The following DOCK8 variants were observed in gnomAD, a reference collection of about 807,000 sequenced individuals.
DOCK8 encodes the protein dedicator of cytokinesis 8.
DOCK8 carries 141 observed loss-of-function variants against 245.6 expected under a neutral mutation model. That is an observed-to-expected ratio of 0.57 (90% CI 0.50 to 0.66). The LOEUF is 0.66. Among genes scored for constraint, DOCK8 ranks in the 30% least tolerant of loss-of-function variants. The pLI is 0.00. For missense variants in DOCK8, 2,965 were observed against 2,603.4 expected, an observed-to-expected ratio of 1.14 and a Z score of -3.02; for synonymous variants, 1,168 against 970.2, an observed-to-expected ratio of 1.20 and a Z score of -3.79.
chr9:214,453 CTT>C, upstream of DOCK8: 4 of 1,534,060 alleles, frequency 2.6e-6, no homozygotes, highest in East Asian at 2.4e-5. Flanking sequence ...ACTTTTTTGT[CTT>C]TTTTTTTGGC....
At chr9:460,215 C>T (rs1402522404) in intron 46 of DOCK8, 1 of 152,186 alleles carries the variant, frequency 6.6e-6, no homozygotes, top group Admixed American at 6.5e-5. Context: ...GTTTCAACCG[C>T]AGTTGTCTGC....
chr9:243,806 C>G (rs1184781511), intron 1 of DOCK8, among the ~76,000 whole-genome samples: 2 of 152,018 alleles, frequency 1.3e-5, no homozygotes, highest in Admixed American at 1.3e-4. Flanking sequence ...ACCCACAATC[C>G]CCCTTTTTCT....
chr9:463,795 A>G lies in DOCK8; in HGVS notation c.6239+108A>G. ...CACTTGGGGAGCTGCAGAACCTCGA[A>G]AGGGTGGAAGAGGGTCCCACAGTCA... On this transcript the variant is annotated intron_variant, in intron 47 of 47. Transcript: ENST00000432829. The G allele has an allele frequency of 3.0e-6, 4 of 1,336,750 alleles. No homozygotes were observed. In the South Asian group the frequency reaches 3.7e-5, roughly 12 times the overall value. 82.8% of individuals were successfully genotyped at this position (1,336,750 alleles called of 1,614,324 possible). A position where few individuals can be genotyped will look rare whatever the true frequency, so the allele number is the denominator to read the frequency against.
chr9:241,405 A>G (rs1381504509), intron 1 of DOCK8, among the ~76,000 whole-genome samples: 1 of 152,162 alleles, frequency 6.6e-6, no homozygotes, highest in Non-Finnish European at 1.5e-5. Context: ...CCTGGCCTCC[A>G]GTAAACTCTG....
intron 46 of DOCK8, chr9:454,718 T>C (rs1170174535): frequency 6.6e-6 from 1 of 152,244 alleles, no homozygotes; most frequent in African/African-American, 2.4e-5. Flanking sequence ...TTTACTTCAG[T>C]TTGCCTCAAT....
At chr9:306,516 C>T (rs983510076) in intron 5 of DOCK8, among the ~76,000 whole-genome samples, 4 of 152,078 alleles carry the variant, frequency 2.6e-5, no homozygotes, top group Non-Finnish European at 2.9e-5. Flanking sequence ...TTGATTAAAC[C>T]GGTTTTGGAG....
chr9:400,995 C>A (rs10974145), intron 26 of DOCK8, among the ~76,000 whole-genome samples: 2 of 54,610 alleles, frequency 3.7e-5, no homozygotes, highest in South Asian at 6.7e-4. Flanking sequence ...TCCTCCACCA[C>A]CACCACCATT....
At chr9:408,289 T>C (rs10732360) in intron 28 of DOCK8, among the ~76,000 whole-genome samples, 1 of 152,186 alleles carries the variant, frequency 6.6e-6, no homozygotes, top group Non-Finnish European at 1.5e-5. Context: ...TGTCCCAAGC[T>C]ATGTACCCAG....
chr9:424,742 G>A (rs1486515088), intron 33 of DOCK8, among the ~76,000 whole-genome samples: 2 of 152,188 alleles, frequency 1.3e-5, no homozygotes, highest in Admixed American at 6.5e-5. Flanking sequence ...CCAGATTAGT[G>A]TTAGTGATGG....
At position 429,857 on chromosome 9, in the gene DOCK8, A is replaced by G. The variant is rs2056644744; in HGVS notation, c.4626+3A>G. Reference sequence around the variant, plus strand: ...GGTTCAGTTTTGGAGCCACCAGTGTAAGAGTTCAAACCAGCTGAGTGACCT... The same window carrying G: ...GGTTCAGTTTTGGAGCCACCAGTGTGAGAGTTCAAACCAGCTGAGTGACCT... On this transcript the variant is annotated splice_donor_region_variant and intron_variant, in intron 36 of 47. Transcript: ENST00000432829. 6.2e-7 allele frequency: 1 copy of G among 1,613,968 alleles called. No homozygotes were observed. Among genetic ancestry groups the G allele is most frequent in the Non-Finnish European group, 8.5e-7 (1 of 1,179,998 alleles).
intron 1 of DOCK8, among the ~76,000 whole-genome samples, chr9:223,213 C>G (rs1433435844): frequency 6.6e-6 from 1 of 152,166 alleles, no homozygotes; most frequent in Non-Finnish European, 1.5e-5. Context: ...TAAACTGGAA[C>G]TAAATTAAGA....
At chr9:403,946 G>GTATATATATATATGTA (rs1193351949) in intron 26 of DOCK8, among the ~76,000 whole-genome samples, 1 of 76,278 alleles carries the variant, frequency 1.3e-5, no homozygotes, top group African/African-American at 8.0e-5. Flanking sequence ...ATATATATGT[G>GTATATATATATATGTA]TATATATATA....
chr9:368,705 A>C (rs1445206847), intron 15 of DOCK8: 1 of 151,816 alleles, frequency 6.6e-6, no homozygotes, highest in African/African-American at 2.4e-5. Flanking sequence ...CAAGGAACTC[A>C]AAATGCCAGA....
intron 27 of DOCK8, 127 bp from the exon 28 acceptor site, chr9:406,803 C>CA (rs1383545136): frequency 3.9e-5 from 43 of 1,111,978 alleles, no homozygotes; most frequent in Non-Finnish European, 1.3e-6. Context: ...TATCTGGCAC[C>CA]AGAGTACCTA....
chr9:355,909 G>T (rs1379614635), intron 14 of DOCK8, among the ~76,000 whole-genome samples: 2 of 152,206 alleles, frequency 1.3e-5, no homozygotes, highest in African/African-American at 4.8e-5. Context: ...TTTGCAGGCT[G>T]TCTGAAATGT....
intron 1 of DOCK8, among the ~76,000 whole-genome samples, chr9:261,891 C>G (rs1042654083): frequency 1.3e-5 from 2 of 151,966 alleles, no homozygotes; most frequent in Non-Finnish European, 2.9e-5. Flanking sequence ...TCTGATAGTA[C>G]TATAGCTACC....
chr9:222,315 T>C (rs1332314695), intron 1 of DOCK8, among the ~76,000 whole-genome samples: 3 of 152,108 alleles, frequency 2.0e-5, no homozygotes, highest in African/African-American at 7.2e-5. Flanking sequence ...TTCACAATAG[T>C]GTATAGAGTT....
chr9:269,349 T>C (rs1364429767), intron 1 of DOCK8, among the ~76,000 whole-genome samples: 1 of 151,362 alleles, frequency 6.6e-6, no homozygotes, highest in Non-Finnish European at 1.5e-5. Context: ...AGGATAATGT[T>C]TCCAAGGTTC....
intron 2 of DOCK8, among the ~76,000 whole-genome samples, chr9:277,530 G>T (rs1190471547): frequency 6.8e-6 from 1 of 147,710 alleles, no homozygotes; most frequent in Admixed American, 6.7e-5. Flanking sequence ...AGAGTTAGGA[G>T]ACCCTGTCTC....
Sources: allele counts gnomAD v4.1 joint callset (sites outside exome capture counted in the v4.1 genomes callset), GRCh38; gene constraint gnomAD v4.1.1; transcripts MANE v1.5; gene names NCBI Gene and HGNC (gene_info 2026-07-23, HGNC 2026-07-21).